Variants in RGS6 observed in about 807,000 individuals in gnomAD.
The protein encoded by RGS6 is regulator of G-protein signaling 6.
RGS6 carries 30 observed loss-of-function variants against 78.5 expected under a neutral mutation model. The ratio of observed to expected loss-of-function variants is 0.38; its 90% confidence interval spans 0.29 to 0.52. RGS6 has a LOEUF of 0.52. Ranked by LOEUF, RGS6 falls within the 20% of genes least tolerant of loss-of-function variation. The pLI is 0.85. For missense variants in RGS6, 495 were observed against 609.7 expected, an observed-to-expected ratio of 0.81 and a Z score of 1.98; for synonymous variants, 206 against 206.0, an observed-to-expected ratio of 1.00 and a Z score of 0.00.
At chr14:71,914,705 A>T in the RGS6 span, among the ~76,000 whole-genome samples, 7 of 151,992 alleles carry the variant, frequency 4.6e-5, no homozygotes, top group Non-Finnish European at 8.8e-5. Flanking sequence ...CCAATGTACA[A>T]GTAGTGTTTT....
At chr14:72,280,045 A>G (rs2061325176) in intron 2 of RGS6, among the ~76,000 whole-genome samples, 1 of 152,170 alleles carries the variant, frequency 6.6e-6, no homozygotes, top group African/African-American at 2.4e-5. Context: ...AAAAATTATT[A>G]ACATGTATTC....
intron 2 of RGS6, among the ~76,000 whole-genome samples, chr14:72,091,569 T>A (rs1015896901): frequency 6.6e-6 from 1 of 152,202 alleles, no homozygotes; most frequent in Non-Finnish European, 1.5e-5. Flanking sequence ...TTAAATATAT[T>A]GGAATCCATG....
chr14:72,474,436 A>G (rs1276805744), intron 9 of RGS6, among the ~76,000 whole-genome samples, 189 bp from the exon 10 acceptor site: 1 of 152,198 alleles, frequency 6.6e-6, no homozygotes, highest in Non-Finnish European at 1.5e-5. Flanking sequence ...TCCTTAGATT[A>G]TGAGGTAAGC....
At chr14:72,249,536 T>C (rs2055086414) in intron 2 of RGS6, among the ~76,000 whole-genome samples, 1 of 152,232 alleles carries the variant, frequency 6.6e-6, no homozygotes, top group Non-Finnish European at 1.5e-5. Context: ...TCTGGTTTCC[T>C]ACAATCATAT....
chr14:72,001,960 CA>C (rs2083548079), intron 2 of RGS6, among the ~76,000 whole-genome samples: 1 of 134,742 alleles, frequency 7.4e-6, no homozygotes, highest in Admixed American at 8.7e-5. Flanking sequence ...TGGAATTCAG[CA>C]GTGCAATCTC....
chr14:72,544,735 C>T (rs940768927), intron 17 of RGS6, among the ~76,000 whole-genome samples: 6 of 152,250 alleles, frequency 3.9e-5, no homozygotes, highest in Non-Finnish European at 7.3e-5. Context: ...AGCTGCCACT[C>T]AGCCTCCCTC....
At chr14:72,060,260 G>A (rs982090083) in intron 2 of RGS6, among the ~76,000 whole-genome samples, 9 of 151,738 alleles carry the variant, frequency 5.9e-5, no homozygotes, top group African/African-American at 2.2e-4. Flanking sequence ...TAGTTATTTT[G>A]TATGTTATAT....
chr14:71,985,493 A>G (rs541234125), intron 2 of RGS6, among the ~76,000 whole-genome samples: 2 of 152,340 alleles, frequency 1.3e-5, no homozygotes, highest in South Asian at 4.1e-4. Context: ...AGGGTTTGTT[A>G]TTAATAGCAA....
intron 3 of RGS6, among the ~76,000 whole-genome samples, chr14:72,416,970 G>A (rs1341205344): frequency 6.6e-6 from 1 of 152,112 alleles, no homozygotes; most frequent in Non-Finnish European, 1.5e-5. Context: ...CCTGGCACAG[G>A]GTATGCCTTA....
intron 17 of RGS6, among the ~76,000 whole-genome samples, chr14:72,559,597 A>G (rs1313827439): frequency 1.3e-5 from 2 of 152,280 alleles, no homozygotes; most frequent in East Asian, 3.9e-4. Flanking sequence ...AGGAGTGGGG[A>G]GAGGGAGACA....
chr14:72,571,929 A>G, the RGS6 span, among the ~76,000 whole-genome samples: 1 of 152,242 alleles, frequency 6.6e-6, no homozygotes, highest in East Asian at 1.9e-4. Flanking sequence ...TATTTAGAAT[A>G]TATATAGAAC....
At chr14:72,108,417 G>A (rs1300029621) in intron 2 of RGS6, among the ~76,000 whole-genome samples, 1 of 151,890 alleles carries the variant, frequency 6.6e-6, no homozygotes, top group Admixed American at 6.6e-5. Flanking sequence ...GTTATGGGTT[G>A]TTATTCTCAC....
chr14:72,545,948 A>G (rs1370177761), intron 17 of RGS6, among the ~76,000 whole-genome samples: 1 of 152,148 alleles, frequency 6.6e-6, no homozygotes, highest in African/African-American at 2.4e-5. Context: ...CTGGGCAGAA[A>G]GGTGGACCCC....
chr14:71,984,318 A>AC (rs1484102091), intron 2 of RGS6, among the ~76,000 whole-genome samples: 3 of 104,754 alleles, frequency 2.9e-5, no homozygotes, highest in Non-Finnish European at 6.3e-5. Flanking sequence ...AAAAAAAAAA[A>AC]AAAACAAAGC....
downstream of RGS6, among the ~76,000 whole-genome samples, chr14:72,570,195 A>C (rs1160575238): frequency 6.6e-6 from 1 of 152,268 alleles, no homozygotes; most frequent in African/African-American, 2.4e-5. Context: ...TTTACACAGC[A>C]TTTACATTGT....
At chr14:72,103,447 G>A (rs1472145787) in intron 2 of RGS6, among the ~76,000 whole-genome samples, 1 of 152,076 alleles carries the variant, frequency 6.6e-6, no homozygotes, top group African/African-American at 2.4e-5. Context: ...AAACACAGGA[G>A]GAAAACAACA....
intron 2 of RGS6, among the ~76,000 whole-genome samples, chr14:72,078,212 C>T (rs2094662498): frequency 6.6e-6 from 1 of 152,090 alleles, no homozygotes; most frequent in African/African-American, 2.4e-5. Context: ...GTGGCACCTC[C>T]CCAAACCCCT....
chr14:72,080,470 A>G (rs191897755), intron 2 of RGS6, among the ~76,000 whole-genome samples: 2 of 152,054 alleles, frequency 1.3e-5, no homozygotes, highest in East Asian at 1.9e-4. Flanking sequence ...CTCCCATTCT[A>G]TAGATTGTCT....
chr14:72,311,931 T>C (rs1032788957), intron 2 of RGS6, among the ~76,000 whole-genome samples: 23 of 152,252 alleles, frequency 1.5e-4, no homozygotes, highest in Middle Eastern at 3.4e-3. Flanking sequence ...ATTGCAAGGG[T>C]CAAGATCGAT....
Sources: allele counts gnomAD v4.1 joint callset (sites outside exome capture counted in the v4.1 genomes callset), GRCh38; gene constraint gnomAD v4.1.1; transcripts MANE v1.5; gene names NCBI Gene and HGNC (gene_info 2026-07-23, HGNC 2026-07-21).